Variants in AP3B1 observed in about 807,000 individuals in gnomAD.
AP3B1 encodes the protein AP-3 complex subunit beta-1.
A neutral mutation model predicts 132.5 loss-of-function variants in AP3B1; 61 were observed. The ratio of observed to expected loss-of-function variants is 0.46; its 90% CI spans 0.37 to 0.57. AP3B1 has a LOEUF of 0.57. AP3B1 is among the 20% of genes least tolerant of loss of function. AP3B1 has a pLI of 0.00. For missense variants in AP3B1, 1,120 were observed against 1,289.4 expected (o/e 0.87, Z 2.01); for synonymous variants, 388 against 438.3 (o/e 0.89, Z 1.43).
chr5:78,292,123 T>A (rs930556771), intron 1 of AP3B1, among the ~76,000 whole-genome samples: 6 of 152,216 alleles, frequency 3.9e-5, no homozygotes, highest in Non-Finnish European at 7.3e-5. Context: ...TGAAACTATT[T>A]CATCAGAGTA....
chr5:78,004,553 G>T (rs1746315432), intron 26 of AP3B1, among the ~76,000 whole-genome samples: 1 of 151,984 alleles, frequency 6.6e-6, no homozygotes, highest in Non-Finnish European at 1.5e-5. Context: ...GCCATTTTTG[G>T]ACAAATAAAA....
intron 17 of AP3B1, among the ~76,000 whole-genome samples, chr5:78,124,572 C>T (rs749225166): frequency 6.6e-6 from 1 of 151,908 alleles, no homozygotes; most frequent in Non-Finnish European, 1.5e-5. Context: ...AAAATCATGT[C>T]TCAAAAAAAT....
At chr5:78,197,277 T>A (rs1291936525) in intron 7 of AP3B1, among the ~76,000 whole-genome samples, 1 of 151,428 alleles carries the variant, frequency 6.6e-6, no homozygotes, top group Non-Finnish European at 1.5e-5. Flanking sequence ...ACCACCCTAA[T>A]GCTAGTGAAA....
chr5:78,045,121 C>CT (rs1246655160), intron 22 of AP3B1, among the ~76,000 whole-genome samples: 3 of 152,096 alleles, frequency 2.0e-5, no homozygotes, highest in African/African-American at 7.2e-5. Context: ...TGGCTCATGC[C>CT]TGTAATCCCA....
intron 2 of AP3B1, among the ~76,000 whole-genome samples, chr5:78,257,652 T>C (rs1189226483): frequency 6.6e-6 from 1 of 152,030 alleles, no homozygotes; most frequent in Non-Finnish European, 1.5e-5. Flanking sequence ...ACATTCTTCA[T>C]AGAAATAGAA....
At chr5:78,283,649 C>T (rs931622538) in intron 1 of AP3B1, among the ~76,000 whole-genome samples, 16 of 152,178 alleles carry the variant, frequency 1.1e-4, no homozygotes, top group Admixed American at 3.9e-4. Context: ...ATCTATCTAT[C>T]TAACTGCTCA....
chr5:78,191,366 A>AAAG (rs1554074532), intron 7 of AP3B1, among the ~76,000 whole-genome samples: 3 of 150,902 alleles, frequency 2.0e-5, no homozygotes, highest in African/African-American at 7.3e-5. Flanking sequence ...AAAAAAAAAA[A>AAAG]AAAAAAAAAA....
In AP3B1 at chr5:78,074,636, G is replaced by GA. The variant is rs569223128; in HGVS notation, c.2577+14756dup. On this transcript the variant is annotated intron_variant, in intron 22 of 26. Transcript: ENST00000255194. ...GAATATACCTTAACTTTATAAAATGGAAAAAAAAAATTTTTTTAAAGATAG... is the reference window on the plus strand; with the variant it reads ...GAATATACCTTAACTTTATAAAATGGAAAAAAAAAAATTTTTTTAAAGATAG... Among the ~76,000 whole-genome samples the GA allele has an allele frequency of 1.8e-4, 27 of 150,992 alleles. No homozygotes were observed. In the South Asian group the frequency reaches 5.0e-3, roughly 28 times the overall value.
intron 7 of AP3B1, among the ~76,000 whole-genome samples, chr5:78,205,226 G>A (rs994894587): frequency 7.2e-5 from 11 of 151,898 alleles, no homozygotes; most frequent in Non-Finnish European, 7.4e-5. Flanking sequence ...CACACAAAAA[G>A]GATGTTTAGG....
chr5:78,283,195 G>T (rs1405367468), intron 1 of AP3B1, among the ~76,000 whole-genome samples: 1 of 151,806 alleles, frequency 6.6e-6, no homozygotes, highest in Non-Finnish European at 1.5e-5. Context: ...GAAAACCAAG[G>T]GCAGAGAGTT....
Position 78,141,431 on chromosome 5 carries a change from G to A in AP3B1, c.1474-112C>T, listed in dbSNP as rs933047806. 5.2e-6 allele frequency: 4 copies of A among 771,202 alleles called. No homozygotes were observed. The African/African-American group carries it at 7.0e-5, about 14-fold the overall frequency. 47.8% of individuals were successfully genotyped at this position (771,202 alleles called of 1,614,324 possible). Reference sequence around the variant, plus strand: ...TTTTACAGCTATTAATTAATTTAATGTATATCTAGGAATTAATCCTGTATT... The same window carrying A: ...TTTTACAGCTATTAATTAATTTAATATATATCTAGGAATTAATCCTGTATT... On this transcript the variant is annotated intron_variant, in intron 14 of 26. Coordinates refer to ENST00000255194, the MANE Select transcript of AP3B1 (RefSeq NM_003664.5).
intron 22 of AP3B1, among the ~76,000 whole-genome samples, chr5:78,060,537 G>C (rs1749001413): frequency 6.6e-6 from 1 of 152,136 alleles, no homozygotes; most frequent in Non-Finnish European, 1.5e-5. Flanking sequence ...GTATTTGGCA[G>C]CATTAGTAAT....
intron 15 of AP3B1, among the ~76,000 whole-genome samples, chr5:78,139,861 G>A (rs1204326844): frequency 2.6e-5 from 4 of 152,030 alleles, no homozygotes; most frequent in Admixed American, 6.6e-5. Context: ...GTACGGGGGC[G>A]GGGCACGAAG....
At chr5:78,055,517 CCTT>C (rs932672173) in intron 22 of AP3B1, among the ~76,000 whole-genome samples, 12 of 152,236 alleles carry the variant, frequency 7.9e-5, no homozygotes, top group African/African-American at 1.7e-4. Flanking sequence ...GTGAAAGTCT[CCTT>C]CTTTAATTAT....
intron 3 of AP3B1, among the ~76,000 whole-genome samples, chr5:78,233,565 A>G (rs908918424): frequency 3.9e-5 from 6 of 152,172 alleles, no homozygotes; most frequent in Admixed American, 1.3e-4. Context: ...TACCCTTGTC[A>G]TTCTGGCTAG....
chr5:78,272,281 C>T (rs573101881), intron 1 of AP3B1, among the ~76,000 whole-genome samples: 4 of 140,720 alleles, frequency 2.8e-5, no homozygotes, highest in South Asian at 2.3e-4. Flanking sequence ...TGATGTCTTA[C>T]GCTCCTTAAA....
intron 22 of AP3B1, among the ~76,000 whole-genome samples, chr5:78,049,866 T>A (rs761017657): frequency 6.6e-5 from 10 of 152,216 alleles, no homozygotes; most frequent in Non-Finnish European, 1.3e-4. Context: ...AACTCCGTGA[T>A]ATGAGTTTAC....
chr5:78,206,029 G>T (rs12657894), intron 7 of AP3B1, among the ~76,000 whole-genome samples: 7 of 151,610 alleles, frequency 4.6e-5, no homozygotes, highest in South Asian at 2.1e-4. Flanking sequence ...TCTTTAAAGC[G>T]TTTCACAAAG....
intron 22 of AP3B1, among the ~76,000 whole-genome samples, chr5:78,086,253 A>G (rs1013715992): frequency 2.6e-5 from 4 of 152,010 alleles, no homozygotes; most frequent in Admixed American, 1.3e-4. Flanking sequence ...TAAGAAGAAA[A>G]CACAGTTTTC....
Sources: gnomAD v4.1 joint callset for allele counts (sites outside exome capture counted in the v4.1 genomes callset) on GRCh38, gnomAD v4.1.1 for gene constraint, MANE v1.5 for transcripts, NCBI Gene and HGNC (gene_info 2026-07-23, HGNC 2026-07-21) for gene names.